CD24: variants seen among roughly 807,000 people sequenced by gnomAD.
CD24 encodes CD24 molecule, also known as signal transducer CD24.
In CD24, 2 loss-of-function variants were observed where a neutral mutation model predicts 3.6. The observed-to-expected ratio is 0.56, with a 90% CI of 0.23 to 1.77. The LOEUF (loss-of-function observed/expected upper bound fraction) is 1.77. CD24 is among the 40% of genes most tolerant of loss of function. CD24 has a pLI of 0.18. For missense variants in CD24, 62 were observed against 93.6 expected, an observed-to-expected ratio of 0.66 and a Z score of 1.39; for synonymous variants, 33 against 44.9, an observed-to-expected ratio of 0.74 and a Z score of 1.06.
At chr6:106,975,491 G>C (rs1365269828), upstream of CD24, 1 of 152,220 alleles carries the variant, frequency 6.6e-6, no homozygotes, top group Non-Finnish European at 1.5e-5. Flanking sequence ...CGCCCTCCCC[G>C]AAGCCCTTGC....
At chr6:106,971,953 T>C in intron 1 of CD24, 119 bp from the exon 2 acceptor site, 1 of 687,588 alleles carries the variant, frequency 1.5e-6, no homozygotes, top group Admixed American at 3.2e-5. Context: ...ATTGTTCTCT[T>C]ACCCAACATC....
rs1225755451 is a variant in CD24 at position 106,969,967 on chromosome 6, AAAGC to A, written c.*1690_*1693del. The A allele has an allele frequency of 6.7e-6, 1 of 149,008 alleles. No individual in the cohort carries two copies. The highest frequency in any genetic ancestry group is 2.5e-5 in the African/African-American group (1 of 40,628). The allele number at this position is 149,008 out of a possible 1,614,324, so 9.2% of individuals were successfully genotyped here. A position where few individuals can be genotyped will look rare whatever the true frequency, so the allele number is the denominator to read the frequency against. On this transcript the variant is annotated 3_prime_UTR_variant, in exon 2 of 2. Transcript: ENST00000606017. ...AAATAGATGTACAGCATTCTGGAAT[AAAGC>A]AAGAGTGTTCATTCACACACACAGT...
rs1322937387 is a variant in CD24, at chr6:106,969,913, G to C, written c.*1748C>G. 1 of 152,590 alleles carries C rather than the reference G, an allele frequency of 6.6e-6. No homozygotes were observed. The highest frequency in any genetic ancestry group is 1.5e-5 in the Non-Finnish European group (1 of 68,012). The allele number at this position is 152,590 out of a possible 1,614,324, so 9.5% of individuals were successfully genotyped here. On this transcript the variant is annotated 3_prime_UTR_variant, in exon 2 of 2. Transcript: ENST00000606017. The stretch of plus-strand genomic sequence containing the variant: ...ATAAGAAGTTACTATGAATCAAAGC[G>C]TAAATACACAAACACAATATACAAT...
At chr6:106,976,238 C>A (rs1476116314), upstream of CD24, among the ~76,000 whole-genome samples, 2 of 152,104 alleles carry the variant, frequency 1.3e-5, no homozygotes, top group African/African-American at 4.8e-5. Context: ...AGACTTAATA[C>A]TTTTATTTAA....
At chr6:106,973,008 T>C (rs1051487892) in intron 1 of CD24, among the ~76,000 whole-genome samples, 1 of 152,154 alleles carries the variant, frequency 6.6e-6, no homozygotes. Context: ...ACCTACTGTG[T>C]GCAAGATTTA....
chr6:106,973,132 G>A (rs1160641981), intron 1 of CD24, among the ~76,000 whole-genome samples: 1 of 152,066 alleles, frequency 6.6e-6, no homozygotes, highest in Non-Finnish European at 1.5e-5. Context: ...AAAGTAACCT[G>A]TTCTTTATTC....
At chr6:106,976,062 A>G (rs1773104227), upstream of CD24, among the ~76,000 whole-genome samples, 1 of 152,260 alleles carries the variant, frequency 6.6e-6, no homozygotes, top group Non-Finnish European at 1.5e-5. Context: ...TTTTGAGTTT[A>G]AATTTTAATT....
At chr6:106,975,035 C>A (rs1399035686), upstream of CD24, 2 of 151,720 alleles carry the variant, frequency 1.3e-5, no homozygotes, top group Non-Finnish European at 2.9e-5. Flanking sequence ...AGGCGCCCAG[C>A]GCCTCCGGCA....
Position 106,974,595 on chromosome 6 carries a change from G to A in CD24, c.52C>T (p.Leu18=). 1.4e-6 allele frequency: 2 copies of A among 1,457,198 alleles called. No individual in the cohort carries two copies. Among genetic ancestry groups the A allele is most frequent in the Non-Finnish European group, 1.8e-6 (2 of 1,113,656 alleles). 90.3% of individuals were successfully genotyped at this position (1,457,198 alleles called of 1,614,324 possible). ...GGCCTCACCTGCGTGGGTAGGAGCA[G>A]TGCCAGCAGCAGCAGCCCCAGCCCG... The part of the protein sequence containing the change: ...RLGLGLLLLA[L]LLPTQIYSSE... Residue 18 remains leucine (L), a synonymous_variant, in exon 1 of 2, where the codon CTG becomes TTG. Transcript: ENST00000606017.
upstream of CD24, among the ~76,000 whole-genome samples, chr6:106,974,954 G>A (rs1773072376): frequency 6.7e-6 from 1 of 149,092 alleles, no homozygotes; most frequent in Non-Finnish European, 1.5e-5. Flanking sequence ...CTGCAGGTGG[G>A]CGGGCGCCGC....
chr6:106,973,235 A>G (rs1773016187), intron 1 of CD24, among the ~76,000 whole-genome samples: 1 of 152,304 alleles, frequency 6.6e-6, no homozygotes, highest in East Asian at 1.9e-4. Context: ...CCAACAAAAA[A>G]ATTATGTTTA....
chr6:106,973,801 CG>C (rs1190459545), intron 1 of CD24: 69 of 398,398 alleles, frequency 1.7e-4, no homozygotes, highest in Middle Eastern at 6.2e-4. Flanking sequence ...CGAGGTTCCC[CG>C]GATGGAGGAT....
chr6:106,972,736 A>C (rs1013597309), intron 1 of CD24, among the ~76,000 whole-genome samples: 12 of 152,074 alleles, frequency 7.9e-5, no homozygotes, highest in African/African-American at 2.9e-4. Context: ...TTCAGCCCTC[A>C]CTGCAAGGGA....
rs958437470 is a variant in CD24 at position 106,974,086 on chromosome 6, G to T, written c.69+492C>A. The stretch of plus-strand genomic sequence containing the variant: ...CCGGGATACCCAATCCAACTCCGAG[G>T]GTGGAGGATGGGCGTGAGCCGCCCT... On this transcript the variant is annotated intron_variant, in intron 1 of 1. Coordinates refer to ENST00000606017, the MANE Select transcript of CD24 (RefSeq NM_001359084.1). The T allele has an allele frequency of 4.0e-4, 157 of 396,816 alleles. 2 individuals are homozygous for T. The highest frequency in any genetic ancestry group is 2.8e-3 in the African/African-American group (137 of 48,760). The allele number at this position is 396,816 out of a possible 1,614,324, so 24.6% of individuals were successfully genotyped here.
intron 1 of CD24, 68 bp downstream of exon 1, chr6:106,974,510 C>A (rs1186195522): frequency 3.3e-6 from 3 of 912,752 alleles, no homozygotes; most frequent in Non-Finnish European, 4.6e-6. Flanking sequence ...TCCCCCGGGA[C>A]CGGGTCCATC....
At chr6:106,975,655 C>G (rs961358578), upstream of CD24, 3 of 152,266 alleles carry the variant, frequency 2.0e-5, no homozygotes, top group East Asian at 5.8e-4. Flanking sequence ...CGCGCTCCTG[C>G]CTGCGGCGGG....
At chr6:106,973,666 G>T (rs1773028953) in intron 1 of CD24, 2 of 398,740 alleles carry the variant, frequency 5.0e-6, no homozygotes, top group Admixed American at 4.4e-5. Context: ...CCAAACAAAC[G>T]TACCTTCTTC....
intron 1 of CD24, chr6:106,974,023 G>A (rs1283328564): frequency 5.0e-5 from 20 of 397,576 alleles, no homozygotes; most frequent in Admixed American, 4.4e-5. Flanking sequence ...GCCCGGAACC[G>A]GGGTTTGTTT....
At chr6:106,974,844 T>TTCCCC, upstream of CD24, 1 of 319,006 alleles carries the variant, frequency 3.1e-6, no homozygotes, top group South Asian at 7.7e-5. Context: ...CCTCCCCGCC[T>TTCCCC]TCCCCGCCCC....
Sources: allele counts gnomAD v4.1 joint callset (sites outside exome capture counted in the v4.1 genomes callset), GRCh38; gene constraint gnomAD v4.1.1; transcripts MANE v1.5; gene names NCBI Gene and HGNC (gene_info 2026-07-23, HGNC 2026-07-21).